Variants in BLK observed in about 807,000 individuals in gnomAD.
BLK encodes BLK proto-oncogene, Src family tyrosine kinase.
A neutral mutation model predicts 61.8 loss-of-function variants in BLK; 64 were observed. That is an observed-to-expected ratio of 1.03 (90% CI 0.85 to 1.27). The LOEUF (loss-of-function observed/expected upper bound fraction) is 1.27, where lower values mean the gene tolerates loss of function less well. BLK is among the 50% of genes most tolerant of loss of function. The pLI, the probability that BLK is intolerant of heterozygous loss-of-function variation, is 0.00. For missense variants in BLK, 853 were observed against 660.5 expected (o/e 1.29, Z -3.19); for synonymous variants, 351 against 272.0 (o/e 1.29, Z -2.86).
intron 1 of BLK, among the ~76,000 whole-genome samples, chr8:11,507,797 G>A (rs1332856099): frequency 6.6e-6 from 1 of 152,158 alleles, no homozygotes; most frequent in Non-Finnish European, 1.5e-5. Context: ...GAGCAGGGAA[G>A]AGATTGCTAA....
At chr8:11,553,861 C>T (rs1011853596) in intron 6 of BLK, among the ~76,000 whole-genome samples, 4 of 152,134 alleles carry the variant, frequency 2.6e-5, no homozygotes, top group Middle Eastern at 3.2e-3. Flanking sequence ...GAGGAAAGAG[C>T]CTTAAGTCAA....
intron 12 of BLK, among the ~76,000 whole-genome samples, chr8:11,563,388 A>G (rs1419786238): frequency 6.6e-6 from 1 of 152,164 alleles, no homozygotes; most frequent in Non-Finnish European, 1.5e-5. Context: ...GTTTACTCCC[A>G]GTGGCTTGTT....
chr8:11,527,632 T>C (rs928499576), intron 1 of BLK, among the ~76,000 whole-genome samples: 1 of 152,028 alleles, frequency 6.6e-6, no homozygotes, highest in Non-Finnish European at 1.5e-5. Context: ...GTGTTGCTGA[T>C]TGCTTGTAAA....
At position 11,558,058 on chromosome 8, in the gene BLK, C is replaced by G; in HGVS notation, c.1029+20C>G. 6.2e-7 allele frequency: 1 copy of G among 1,613,124 alleles called. No homozygotes were observed. On this transcript the variant is annotated intron_variant, in intron 10 of 12. Coordinates refer to ENST00000259089, the MANE Select transcript of BLK (RefSeq NM_001715.3). ...GCGCAGGTTGGTGAAGTACCAGGTGCAGAGAAAGGGCGGCATGTGCCACCT... is the reference window on the plus strand; with the variant it reads ...GCGCAGGTTGGTGAAGTACCAGGTGGAGAGAAAGGGCGGCATGTGCCACCT...
At chr8:11,552,430 C>T (rs998256702) in intron 6 of BLK, 17 of 152,122 alleles carry the variant, frequency 1.1e-4, no homozygotes, top group African/African-American at 3.4e-4. Context: ...TGGATATTGT[C>T]ACTATTTCAT....
intron 1 of BLK, among the ~76,000 whole-genome samples, chr8:11,515,816 G>A (rs1799202029): frequency 6.6e-6 from 1 of 152,214 alleles, no homozygotes; most frequent in Non-Finnish European, 1.5e-5. Flanking sequence ...CTTCAAACAG[G>A]AAATCAAACA....
At chr8:11,544,372 C>T (rs1415268422) in intron 2 of BLK, among the ~76,000 whole-genome samples, 1 of 152,324 alleles carries the variant, frequency 6.6e-6, no homozygotes, top group Middle Eastern at 3.4e-3. Flanking sequence ...CTCTCCTGTG[C>T]TGTCCACATG....
rs1340597297 is a variant in BLK, at chr8:11,560,591, A to T, written c.1030-711A>T. ...AATAAAGCCTTAGTTTCCTCAGCTAAAAGGTGCCAAGTAGCACCAGCTGCT... is the reference window on the plus strand; with the variant it reads ...AATAAAGCCTTAGTTTCCTCAGCTATAAGGTGCCAAGTAGCACCAGCTGCT... On this transcript the variant is annotated intron_variant, in intron 10 of 12. Transcript: ENST00000259089. 1.2e-5 allele frequency: 4 copies of T among 326,406 alleles called. No individual in the cohort carries two copies. The East Asian group carries it at 3.3e-4, about 27-fold the overall frequency. 20.2% of individuals were successfully genotyped at this position (326,406 alleles called of 1,614,324 possible). A position where few individuals can be genotyped will look rare whatever the true frequency, so the allele number is the denominator to read the frequency against.
chr8:11,547,720 C>T (rs1413930187), intron 3 of BLK, among the ~76,000 whole-genome samples: 4 of 152,226 alleles, frequency 2.6e-5, no homozygotes, highest in Non-Finnish European at 2.9e-5. Context: ...CGAATGTGGG[C>T]CTGAGGCCAC....
chr8:11,522,828 T>A (rs1469941490), intron 1 of BLK, among the ~76,000 whole-genome samples: 2 of 152,206 alleles, frequency 1.3e-5, no homozygotes, highest in Non-Finnish European at 2.9e-5. Flanking sequence ...ATATATATTG[T>A]TTATAATTGC....
At chr8:11,498,486 A>C (rs1013390761) in intron 1 of BLK, among the ~76,000 whole-genome samples, 1 of 152,224 alleles carries the variant, frequency 6.6e-6, no homozygotes, top group Non-Finnish European at 1.5e-5. Context: ...TCAAATATCT[A>C]GGAAGACTAC....
intron 1 of BLK, among the ~76,000 whole-genome samples, chr8:11,505,575 C>G (rs1485977739): frequency 6.6e-6 from 1 of 152,196 alleles, no homozygotes; most frequent in Non-Finnish European, 1.5e-5. Context: ...GGCCCTCCCC[C>G]TTCTAGACTG....
intron 1 of BLK, among the ~76,000 whole-genome samples, chr8:11,513,848 G>A (rs1489451642): frequency 6.6e-6 from 1 of 152,200 alleles, no homozygotes; most frequent in African/African-American, 2.4e-5. Context: ...AGAACCCTGT[G>A]TGAAGGGGGC....
intron 1 of BLK, among the ~76,000 whole-genome samples, chr8:11,521,592 A>T (rs1272317952): frequency 6.6e-6 from 1 of 152,210 alleles, no homozygotes; most frequent in African/African-American, 2.4e-5. Flanking sequence ...TACCTGGACC[A>T]TATTTATGTC....
Position 11,554,901 on chromosome 8 carries a change from C to T in BLK, c.619+12C>T, listed in dbSNP as rs368415580. The T allele has an allele frequency of 2.2e-5, 36 of 1,611,124 alleles. No individual in the cohort carries two copies. The highest frequency in any genetic ancestry group is 1.7e-4 in the Middle Eastern group (1 of 5,894). The stretch of plus-strand genomic sequence containing the variant: ...GCAGCACTATTCTAGTAAGAGGGGG[C>T]GTGCAATGGGGGCAGGGACTTGTGC... On this transcript the variant is annotated intron_variant, in intron 7 of 12. Transcript: ENST00000259089.
intron 1 of BLK, among the ~76,000 whole-genome samples, chr8:11,534,298 T>C (rs1225663604): frequency 6.6e-6 from 1 of 152,228 alleles, no homozygotes; most frequent in Non-Finnish European, 1.5e-5. Flanking sequence ...GTCTCATCAA[T>C]ACAAGACACA....
chr8:11,523,678 C>A (rs2618445), intron 1 of BLK, among the ~76,000 whole-genome samples: 3 of 152,010 alleles, frequency 2.0e-5, no homozygotes, highest in Non-Finnish European at 4.4e-5. Context: ...ATATCATTGA[C>A]AAAATGATAA....
intron 1 of BLK, among the ~76,000 whole-genome samples, chr8:11,529,873 C>T (rs539659850): frequency 1.3e-5 from 2 of 152,094 alleles, no homozygotes; most frequent in Non-Finnish European, 2.9e-5. Context: ...CTTCAGGAGT[C>T]CCTGTAGAAC....
chr8:11,555,085 AC>A (rs965507558), intron 7 of BLK, among the ~76,000 whole-genome samples, 196 bp downstream of exon 7: 6 of 152,120 alleles, frequency 3.9e-5, no homozygotes, highest in African/African-American at 9.7e-5. Context: ...TCAGCAGGGA[AC>A]CCCTTAGAGA....
Sources: allele counts gnomAD v4.1 joint callset (sites outside exome capture counted in the v4.1 genomes callset), GRCh38; gene constraint gnomAD v4.1.1; transcripts MANE v1.5; gene names NCBI Gene and HGNC (gene_info 2026-07-23, HGNC 2026-07-21).